Variants in GRIK1 observed in about 807,000 individuals in gnomAD.
The protein encoded by GRIK1 is glutamate ionotropic receptor kainate type subunit 1.
Under a neutral mutation model 105.7 loss-of-function variants are expected in GRIK1, and 69 were observed. The observed-to-expected ratio is 0.65, with a 90% CI of 0.54 to 0.80. The LOEUF (loss-of-function observed/expected upper bound fraction) is 0.80, where lower values mean the gene tolerates loss of function less well. Among genes scored for constraint, GRIK1 ranks in the 30% least tolerant of loss-of-function variants. GRIK1 has a pLI of 0.00. For synonymous variants in GRIK1, 438 were observed against 431.3 expected, an observed-to-expected ratio of 1.02 and a Z score of -0.19; for missense variants, 1,109 against 1,167.3, an observed-to-expected ratio of 0.95 and a Z score of 0.73.
At chr21:29,576,738 G>A (rs971835092) in intron 14 of GRIK1, among the ~76,000 whole-genome samples, 5 of 151,806 alleles carry the variant, frequency 3.3e-5, no homozygotes, top group Non-Finnish European at 7.4e-5. Flanking sequence ...ACTAAATTGG[G>A]GTGGAGTAAA....
intron 1 of GRIK1, among the ~76,000 whole-genome samples, chr21:29,799,108 A>G (rs1220021243): frequency 6.6e-5 from 10 of 152,210 alleles, no homozygotes; most frequent in South Asian, 2.1e-4. Flanking sequence ...ATCCAAAATA[A>G]AGGTTATCAA....
At chr21:29,668,890 G>T (rs1374144884) in intron 4 of GRIK1, among the ~76,000 whole-genome samples, 1 of 152,188 alleles carries the variant, frequency 6.6e-6, no homozygotes, top group Non-Finnish European at 1.5e-5. Flanking sequence ...AGGAGCAATG[G>T]TTTCCACATT....
intron 7 of GRIK1, among the ~76,000 whole-genome samples, chr21:29,602,119 T>C (rs1379522538): frequency 6.6e-6 from 1 of 152,196 alleles, no homozygotes; most frequent in Non-Finnish European, 1.5e-5. Flanking sequence ...GTCCCTTTTT[T>C]AGGCCACAGA....
intron 1 of GRIK1, among the ~76,000 whole-genome samples, chr21:29,832,818 C>G (rs951481830): frequency 6.6e-6 from 1 of 152,306 alleles, no homozygotes; most frequent in Non-Finnish European, 1.5e-5. Context: ...ATGCAAATTT[C>G]TGCAACTCGC....
intron 1 of GRIK1, among the ~76,000 whole-genome samples, chr21:29,746,405 C>A (rs938954131): frequency 6.6e-6 from 1 of 152,238 alleles, no homozygotes; most frequent in African/African-American, 2.4e-5. Context: ...GACATCATTG[C>A]ATGATCTGAT....
chr21:29,656,421 T>TTCCAAGG (rs2062855987), intron 4 of GRIK1, among the ~76,000 whole-genome samples: 1 of 139,616 alleles, frequency 7.2e-6, no homozygotes, highest in African/African-American at 2.7e-5. Flanking sequence ...GAAATCACAT[T>TTCCAAGG]TCCAAGGTAG....
chr21:29,673,058 C>G lies in GRIK1; in HGVS notation c.651G>C (p.Lys217Asn), dbSNP rs140379363. Residue 217 changes from lysine to asparagine, a missense_variant, in exon 4 of 18, where the codon AAG (lysine) becomes AAC (asparagine). Lys to Asn is a moderately conservative substitution (Grantham distance 94, BLOSUM62 0). This residue lies in a region of GRIK1 where 612 missense variants were observed against 586.0 expected (regional missense o/e 1.04). Coordinates refer to ENST00000327783, the MANE Select transcript of GRIK1 (RefSeq NM_001330994.2). The stretch of plus-strand genomic sequence containing the variant: ...AGAACTCCTTGCCTTTCTTCATCTC[C>G]TTGAGTAAAGGCTTGGCATCTTTAT... ...SGNKDAKPLL[K>N]EMKKGKEFYV... is the part of the protein sequence containing the mutation. The G allele has an allele frequency of 3.7e-6, 6 of 1,611,918 alleles. No homozygotes were observed. The South Asian group carries it at 6.6e-5, about 18-fold the overall frequency.
At chr21:29,890,834 T>C (rs1292190219) in intron 1 of GRIK1, among the ~76,000 whole-genome samples, 1 of 152,090 alleles carries the variant, frequency 6.6e-6, no homozygotes, top group Non-Finnish European at 1.5e-5. Context: ...TTACACAAAG[T>C]GGCATGGAAA....
intron 1 of GRIK1, 133 bp from the exon 2 acceptor site, chr21:29,694,196 C>T: frequency 1.6e-6 from 1 of 615,112 alleles, no homozygotes. Context: ...ACGATCTCAG[C>T]TCACTGCAAC....
chr21:29,892,749 C>T lies in GRIK1; in HGVS notation c.118+46634G>A, dbSNP rs144986614. Among the ~76,000 whole-genome samples, 590 of 152,352 alleles carry T rather than the reference C, an allele frequency of 3.9e-3. 8 individuals are homozygous for T. The highest frequency in any genetic ancestry group is 0.013 in the African/African-American group (552 of 41,588). On this transcript the variant is annotated intron_variant, in intron 1 of 17. Transcript: ENST00000327783. ...AGGATGAGTTACGTGATGACAGAAGCTCTTCCTTTTTCTTTTTGCTTGAAA... is the reference window on the plus strand; with the variant it reads ...AGGATGAGTTACGTGATGACAGAAGTTCTTCCTTTTTCTTTTTGCTTGAAA...
intron 1 of GRIK1, among the ~76,000 whole-genome samples, chr21:29,702,127 A>C (rs1190241357): frequency 6.6e-6 from 1 of 152,166 alleles, no homozygotes; most frequent in Non-Finnish European, 1.5e-5. Flanking sequence ...GGAACAACAC[A>C]CATTGGGGCC....
intron 1 of GRIK1, among the ~76,000 whole-genome samples, chr21:29,848,779 A>ATATTTTTTTT: frequency 7.7e-5 from 6 of 77,866 alleles, no homozygotes; most frequent in East Asian, 3.8e-4. Context: ...ATATATATAT[A>ATATTTTTTTT]TTTTTTTTTT....
intron 3 of GRIK1, among the ~76,000 whole-genome samples, chr21:29,677,058 A>G (rs993783382): frequency 2.0e-5 from 3 of 152,178 alleles, no homozygotes; most frequent in Non-Finnish European, 2.9e-5. Context: ...ACTTATGGGG[A>G]AAAAGGTCAA....
intron 3 of GRIK1, among the ~76,000 whole-genome samples, chr21:29,687,242 C>T (rs1257507373): frequency 4.6e-5 from 7 of 152,192 alleles, no homozygotes; most frequent in Non-Finnish European, 8.8e-5. Context: ...AACTCCTAAA[C>T]AAATCCCAAT....
chr21:29,694,329 G>C (rs2063650395), intron 1 of GRIK1, among the ~76,000 whole-genome samples: 1 of 151,866 alleles, frequency 6.6e-6, no homozygotes, highest in African/African-American at 2.4e-5. Context: ...TCCCCATGTT[G>C]GCCAGGCTGG....
chr21:29,687,837 C>T (rs930400804), intron 3 of GRIK1, among the ~76,000 whole-genome samples: 1 of 152,200 alleles, frequency 6.6e-6, no homozygotes, highest in Non-Finnish European at 1.5e-5. Flanking sequence ...TAGTTGAACT[C>T]TTTCTTAAAT....
intron 1 of GRIK1, among the ~76,000 whole-genome samples, chr21:29,785,579 A>G (rs1047927861): frequency 1.3e-5 from 2 of 151,546 alleles, no homozygotes; most frequent in Admixed American, 6.6e-5. Flanking sequence ...AAAAAAAAAA[A>G]AAAAAGCCCC....
At chr21:29,758,517 C>A (rs1444490679) in intron 1 of GRIK1, among the ~76,000 whole-genome samples, 1 of 152,102 alleles carries the variant, frequency 6.6e-6, no homozygotes, top group East Asian at 1.9e-4. Context: ...TGGGTCCCTC[C>A]CCCGACATAT....
intron 1 of GRIK1, among the ~76,000 whole-genome samples, chr21:29,753,372 C>T (rs2065253737): frequency 1.3e-5 from 2 of 152,150 alleles, no homozygotes; most frequent in South Asian, 4.1e-4. Flanking sequence ...ACATACTTGG[C>T]TTCCTTGGCT....
Sources: gnomAD v4.1 joint callset for allele counts (sites outside exome capture counted in the v4.1 genomes callset) on GRCh38, gnomAD v4.1.1 for gene constraint, gnomAD v4.1.1 regional missense constraint, MANE v1.5 for transcripts, NCBI Gene and HGNC (gene_info 2026-07-23, HGNC 2026-07-21) for gene names.